SEMA3A: variants seen among roughly 807,000 people sequenced by gnomAD.
SEMA3A encodes semaphorin-3A.
Under a neutral mutation model 97.9 loss-of-function variants are expected in SEMA3A, and 29 were observed. The observed-to-expected ratio is 0.30, with a 90% CI of 0.22 to 0.40. The LOEUF is 0.40. Among genes scored for constraint, SEMA3A ranks in the 10% least tolerant of loss-of-function variants. The pLI, the probability that SEMA3A is intolerant of heterozygous loss-of-function variation, is 1.00. For synonymous variants in SEMA3A, 321 were observed against 323.7 expected, an observed-to-expected ratio of 0.99 and a Z score of 0.09; for missense variants, 763 against 951.3, an observed-to-expected ratio of 0.80 and a Z score of 2.60.
At chr7:84,176,058 C>G (rs1228866715) in intron 1 of SEMA3A, among the ~76,000 whole-genome samples, 1 of 150,874 alleles carries the variant, frequency 6.6e-6, no homozygotes, top group African/African-American at 2.4e-5. Flanking sequence ...TTAAAATGTT[C>G]AATGCTTATC....
At chr7:84,263,773 G>T (rs944782415) in intron 3 of SEMA3A, among the ~76,000 whole-genome samples, 1 of 152,122 alleles carries the variant, frequency 6.6e-6, no homozygotes, top group African/African-American at 2.4e-5. Context: ...ACAGTGCTTA[G>T]TAAAGATGGA....
rs114117867 is a variant in SEMA3A at position 84,229,816 on chromosome 7, G to A, written c.-82-35148C>T. Among the ~76,000 whole-genome samples the A allele has an allele frequency of 2.8e-3, 426 of 151,722 alleles. 1 individual carries two copies. The highest frequency in any genetic ancestry group is 9.5e-3 in the African/African-American group (394 of 41,398). On this transcript the variant is annotated intron_variant, in intron 3 of 3. Coordinates refer to the SEMA3A transcript ENST00000424555. The stretch of plus-strand genomic sequence containing the variant: ...GTTCTTTTCTTTCGAGTCAACAAGC[G>A]TGCCCAATTTCCTGACCTTATGGAA...
chr7:84,107,226 C>T (rs139997644), intron 4 of SEMA3A, among the ~76,000 whole-genome samples: 20 of 152,136 alleles, frequency 1.3e-4, no homozygotes, highest in African/African-American at 4.8e-4. Context: ...TTTTCAACTT[C>T]ACCAACAGCA....
intron 1 of SEMA3A, among the ~76,000 whole-genome samples, chr7:84,418,298 C>A (rs751053929): frequency 1.3e-5 from 2 of 152,112 alleles, no homozygotes; most frequent in Non-Finnish European, 2.9e-5. Context: ...TCACATCTGA[C>A]ATGCTGGCAG....
In SEMA3A at chr7:84,056,366, G is replaced by A. The variant is rs1165639681; in HGVS notation, c.547+4099C>T. Among the ~76,000 whole-genome samples, 8 of 152,130 alleles carry A rather than the reference G, an allele frequency of 5.3e-5. No individual in the cohort carries two copies. In the East Asian group the frequency reaches 1.5e-3, roughly 29 times the overall value. On this transcript the variant is annotated intron_variant, in intron 5 of 16. Coordinates refer to ENST00000265362, the MANE Select transcript of SEMA3A (RefSeq NM_006080.3). ...TGTGGCTTAGATCAGTGAATGTATT[G>A]GATTACAATTCCTAAGAAGGGTGTG...
At chr7:84,471,610 A>G (rs1414356773) in intron 1 of SEMA3A, among the ~76,000 whole-genome samples, 1 of 152,080 alleles carries the variant, frequency 6.6e-6, no homozygotes, top group Admixed American at 6.6e-5. Flanking sequence ...AGGGACAAAA[A>G]TAGAAATTGT....
intron 3 of SEMA3A, among the ~76,000 whole-genome samples, chr7:84,224,653 G>C (rs1798949431): frequency 6.6e-5 from 10 of 152,014 alleles, no homozygotes; most frequent in Admixed American, 6.6e-4. Flanking sequence ...TGAGGAAAGA[G>C]AGAGATTTAA....
intron 1 of SEMA3A, among the ~76,000 whole-genome samples, chr7:84,419,891 A>G (rs1804538917): frequency 6.6e-6 from 1 of 152,120 alleles, no homozygotes; most frequent in African/African-American, 2.4e-5. Context: ...ATCTACAAAA[A>G]CTGCTTTTTT....
intron 3 of SEMA3A, among the ~76,000 whole-genome samples, chr7:84,234,598 T>C (rs1257653805): frequency 6.6e-6 from 1 of 152,072 alleles, no homozygotes; most frequent in Non-Finnish European, 1.5e-5. Context: ...AACCATACCC[T>C]TGTTGCGCTT....
intron 3 of SEMA3A, among the ~76,000 whole-genome samples, chr7:84,276,744 C>A (rs1380921512): frequency 1.3e-5 from 2 of 151,986 alleles, no homozygotes; most frequent in Admixed American, 6.6e-5. Context: ...GCCTAGTGCT[C>A]TTATTATACT....
chr7:84,373,406 T>C (rs1464271341), intron 1 of SEMA3A, among the ~76,000 whole-genome samples: 1 of 152,192 alleles, frequency 6.6e-6, no homozygotes, highest in Non-Finnish European at 1.5e-5. Flanking sequence ...TTAGGAAATG[T>C]CCGCAGTCAT....
intron 2 of SEMA3A, among the ~76,000 whole-genome samples, chr7:84,334,558 C>T (rs745769048): frequency 2.0e-5 from 3 of 151,986 alleles, no homozygotes; most frequent in Non-Finnish European, 4.4e-5. Flanking sequence ...CTCAATTTTC[C>T]TCCTTGCTTC....
In SEMA3A at chr7:84,449,433, G is replaced by C. The variant is rs138693127; in HGVS notation, c.-246+43027C>G. ...TTAAACCTCTAATTAGACTAACCAA[G>C]AAGAAAAAAACAAAGAGAAAACACA... On this transcript the variant is annotated intron_variant, in intron 1 of 3. Transcript: ENST00000424555. 4.0e-5 allele frequency among the ~76,000 whole-genome samples: 6 copies of C among 151,570 alleles called. No homozygotes were observed. In the East Asian group the frequency reaches 7.7e-4, roughly 20 times the overall value.
At chr7:84,055,397 A>G (rs1357868652) in intron 5 of SEMA3A, among the ~76,000 whole-genome samples, 1 of 152,174 alleles carries the variant, frequency 6.6e-6, no homozygotes, top group African/African-American at 2.4e-5. Flanking sequence ...TGTGGGATAT[A>G]GTCTCCTGGT....
intron 2 of SEMA3A, among the ~76,000 whole-genome samples, chr7:84,324,513 C>T (rs1801727356): frequency 6.6e-6 from 1 of 152,070 alleles, no homozygotes; most frequent in Non-Finnish European, 1.5e-5. Flanking sequence ...AAGAAAAGAA[C>T]ATATGGCTGA....
At chr7:84,438,320 G>C (rs1425573344) in intron 1 of SEMA3A, among the ~76,000 whole-genome samples, 1 of 151,986 alleles carries the variant, frequency 6.6e-6, no homozygotes, top group Non-Finnish European at 1.5e-5. Flanking sequence ...AATAGCCAGA[G>C]GAAGATGGCC....
intron 13 of SEMA3A, 50 bp from the exon 14 acceptor site, chr7:83,981,528 C>G (rs772086583): frequency 1.5e-5 from 21 of 1,397,110 alleles, no homozygotes; most frequent in African/African-American, 4.4e-5. Flanking sequence ...TCTTTTAAAT[C>G]TCTTGTTCTC....
At chr7:83,998,400 G>A (rs1790303398) in intron 12 of SEMA3A, among the ~76,000 whole-genome samples, 1 of 152,156 alleles carries the variant, frequency 6.6e-6, no homozygotes, top group Admixed American at 6.5e-5. Context: ...AAGTATGGTA[G>A]AAAAGATTTT....
At chr7:84,005,852 G>A (rs1315413499) in intron 10 of SEMA3A, among the ~76,000 whole-genome samples, 1 of 152,070 alleles carries the variant, frequency 6.6e-6, no homozygotes, top group East Asian at 1.9e-4. Flanking sequence ...GGGAGGCTGA[G>A]GTAGGAGAAT....
Sources: gnomAD v4.1 joint callset for allele counts (sites outside exome capture counted in the v4.1 genomes callset) on GRCh38, gnomAD v4.1.1 for gene constraint, MANE v1.5 for transcripts, NCBI Gene and HGNC (gene_info 2026-07-23, HGNC 2026-07-21) for gene names.